Variants in NUP210L observed in about 807,000 individuals in gnomAD.
NUP210L encodes nucleoporin 210 like.
In NUP210L, 74 loss-of-function variants were observed where a neutral mutation model predicts 208.5. The ratio of observed to expected loss-of-function variants is 0.35; its 90% confidence interval spans 0.29 to 0.43. The LOEUF is 0.43. Among genes scored for constraint, NUP210L ranks in the 20% least tolerant of loss-of-function variants. NUP210L has a pLI of 1.00. For missense variants in NUP210L, 1,843 were observed against 2,289.4 expected (o/e 0.81, Z 3.98); for synonymous variants, 780 against 816.9 (o/e 0.95, Z 0.77).
intron 34 of NUP210L, among the ~76,000 whole-genome samples, chr1:154,011,443 C>T (rs1255932935): frequency 6.6e-6 from 1 of 151,176 alleles, no homozygotes; most frequent in Non-Finnish European, 1.5e-5. Context: ...AGGCTGGTCT[C>T]GAACTCCTGA....
At chr1:154,000,725 C>T in intron 37 of NUP210L, 131 bp downstream of exon 37, 3 of 740,332 alleles carry the variant, frequency 4.1e-6, no homozygotes, top group Admixed American at 4.8e-5. Flanking sequence ...AGGAGTTTTT[C>T]ATTTATTTTT....
rs375339579 is a variant in NUP210L, at chr1:153,997,654, G to A, written c.5387-2474C>T. Among the ~76,000 whole-genome samples the A allele has an allele frequency of 1.9e-4, 28 of 149,752 alleles. No homozygotes were observed. The East Asian group carries it at 4.9e-3, about 26-fold the overall frequency. ...TATTTTGTATTTTTTGTAGAGATGG[G>A]GTTTTGCCATGTTGCCCAGGCTGGT... On this transcript the variant is annotated intron_variant, in intron 37 of 39. Transcript: ENST00000368559.
At chr1:154,078,582 G>A (rs1412788638) in intron 16 of NUP210L, among the ~76,000 whole-genome samples, 1 of 148,114 alleles carries the variant, frequency 6.8e-6, no homozygotes, top group Non-Finnish European at 1.5e-5. Context: ...GCAACGAAGT[G>A]AGAATCTGTC....
chr1:154,136,452 AAAAT>A (rs1176868379), intron 6 of NUP210L, among the ~76,000 whole-genome samples: 2 of 151,686 alleles, frequency 1.3e-5, no homozygotes, highest in Admixed American at 6.6e-5. Context: ...ACTCCGTCTC[AAAAT>A]AAATAAATAA....
In NUP210L at chr1:154,000,838, G is replaced by A; in HGVS notation, c.5386+18C>T. 1 of 1,597,358 alleles carries A rather than the reference G, an allele frequency of 6.3e-7. No individual in the cohort carries two copies. Among genetic ancestry groups the A allele is most frequent in the Non-Finnish European group, 8.6e-7 (1 of 1,164,826 alleles). On this transcript the variant is annotated intron_variant, in intron 37 of 39. Transcript: ENST00000368559. The stretch of plus-strand genomic sequence containing the variant: ...TCTTTTCCTCTCTAGATTATAAATA[G>A]GAATCTCTGATGCTTACCTGCACCC...
At chr1:154,115,236 G>C (rs1257450038) in intron 12 of NUP210L, among the ~76,000 whole-genome samples, 1 of 152,150 alleles carries the variant, frequency 6.6e-6, no homozygotes, top group Non-Finnish European at 1.5e-5. Context: ...CCATTGACCT[G>C]TTAAAAGCCT....
exon 36 of NUP210L, chr1:154,001,796 T>C (rs1042790288): frequency 3.1e-6 from 5 of 1,614,146 alleles, no homozygotes; most frequent in Non-Finnish European, 4.2e-6. Context: ...ATCTTGTTTG[T>C]GGCTAAGAAC....
intron 27 of NUP210L, among the ~76,000 whole-genome samples, chr1:154,036,313 CATGTGTGTGTGTGTGTGT>C (rs1557931213): frequency 9.6e-6 from 1 of 104,088 alleles, no homozygotes; most frequent in Non-Finnish European, 1.9e-5. Context: ...ACAGTTGGAA[CATGTGTGTGTGTGTGTGT>C]GTGTGTGTGT....
intron 18 of NUP210L, among the ~76,000 whole-genome samples, chr1:154,061,302 C>T (rs905651863): frequency 5.3e-5 from 8 of 151,786 alleles, no homozygotes; most frequent in Non-Finnish European, 1.0e-4. Flanking sequence ...CGCTTGAACC[C>T]GGGAGGCAGA....
chr1:154,103,847 T>C (rs1656610874), intron 13 of NUP210L, among the ~76,000 whole-genome samples, 165 bp downstream of exon 13: 1 of 152,142 alleles, frequency 6.6e-6, no homozygotes, highest in Non-Finnish European at 1.5e-5. Flanking sequence ...TTTGACAAAA[T>C]AAAGTATTAT....
chr1:154,140,825 TACA>T (rs1210892912), intron 4 of NUP210L, among the ~76,000 whole-genome samples: 4 of 146,178 alleles, frequency 2.7e-5, no homozygotes, highest in African/African-American at 7.6e-5. Context: ...CTACTAAAAA[TACA>T]ACAACAACAA....
chr1:154,000,963 G>GTGAA lies in NUP210L; in HGVS notation c.5275_5278dup (p.Thr1760IlefsTer24). 6.2e-7 allele frequency: 1 copy of GTGAA among 1,614,186 alleles called. No homozygotes were observed. The highest frequency in any genetic ancestry group is 8.5e-7 in the Non-Finnish European group (1 of 1,180,012). On this transcript the variant is annotated frameshift_variant, in exon 37 of 40. Coordinates refer to ENST00000368559, the Ensembl canonical transcript of NUP210L. LOFTEE classifies it high-confidence loss of function. ...AGGTGATGCCATTTGCTGGAAGGAA[G>GTGAA]TGAAGTTGACCACTCTTACAGAGTA...
chr1:154,123,515 T>C (rs1415493951), intron 10 of NUP210L, among the ~76,000 whole-genome samples: 1 of 152,234 alleles, frequency 6.6e-6, no homozygotes, highest in African/African-American at 2.4e-5. Flanking sequence ...ATGTACATTT[T>C]CTTTGTCCTA....
At chr1:154,120,563 A>C (rs1053417635) in intron 10 of NUP210L, among the ~76,000 whole-genome samples, 1 of 151,714 alleles carries the variant, frequency 6.6e-6, no homozygotes, top group Non-Finnish European at 1.5e-5. Context: ...CCAACATGGC[A>C]CATGTATACA....
At chr1:154,057,085 C>T in intron 22 of NUP210L, 138 bp from the exon 23 acceptor site, 1 of 715,340 alleles carries the variant, frequency 1.4e-6, no homozygotes, top group Non-Finnish European at 2.3e-6. Flanking sequence ...CTCAATGTAT[C>T]CTCCCACCTC....
At chr1:154,051,368 C>T (rs1653489523) in intron 25 of NUP210L, among the ~76,000 whole-genome samples, 1 of 152,134 alleles carries the variant, frequency 6.6e-6, no homozygotes, top group African/African-American at 2.4e-5. Flanking sequence ...CGCTACCACA[C>T]CCAGCTAATT....
intron 37 of NUP210L, among the ~76,000 whole-genome samples, chr1:153,998,708 CTTTTTT>C (rs34457474): frequency 1.8e-5 from 2 of 109,834 alleles, no homozygotes; most frequent in South Asian, 3.2e-4. Flanking sequence ...TCTAGAGATC[CTTTTTT>C]TTTTTTTTTT....
chr1:154,027,580 T>G (rs1651965652), exon 29 of NUP210L: 1 of 1,612,830 alleles, frequency 6.2e-7, no homozygotes, highest in Non-Finnish European at 8.5e-7. Flanking sequence ...GATAGAAGAG[T>G]TGGAGTTTTT....
intron 33 of NUP210L, among the ~76,000 whole-genome samples, chr1:154,017,523 T>C (rs866048499): frequency 5.4e-5 from 8 of 148,230 alleles, no homozygotes; most frequent in African/African-American, 9.9e-5. Context: ...TTCTTTCTTT[T>C]TTTTTTTTTT....
Sources: allele counts gnomAD v4.1 joint callset (sites outside exome capture counted in the v4.1 genomes callset), GRCh38; gene constraint gnomAD v4.1.1; transcripts MANE v1.5; gene names NCBI Gene and HGNC (gene_info 2026-07-23, HGNC 2026-07-21).